STRN4: variants seen among roughly 807,000 people sequenced by gnomAD.
STRN4 encodes striatin-4.
STRN4 carries 27 observed loss-of-function variants against 77.9 expected under a neutral mutation model. That is an observed-to-expected ratio of 0.35 (90% CI 0.26 to 0.48). The LOEUF (loss-of-function observed/expected upper bound fraction) is 0.48, where lower values mean the gene tolerates loss of function less well. Among genes scored for constraint, STRN4 ranks in the 20% least tolerant of loss-of-function variants. The pLI, the probability that STRN4 is intolerant of heterozygous loss-of-function variation, is 0.99. For synonymous variants in STRN4, 466 were observed against 443.1 expected (o/e 1.05, Z -0.65); for missense variants, 798 against 1,049.7 (o/e 0.76, Z 3.31).
intron 9 of STRN4, chr19:46,726,235 G>A (rs1351351352): frequency 1.3e-5 from 2 of 153,108 alleles, no homozygotes; most frequent in Non-Finnish European, 2.9e-5. Flanking sequence ...GGAGGAATGC[G>A]CATTTCATCC....
In STRN4 at chr19:46,720,642, G is replaced by C; in HGVS notation, c.2222C>G (p.Ala741Gly). Residue 741 changes from alanine to glycine, a missense_variant, in exon 17 of 18, where the codon GCC becomes GGC. Coordinates refer to ENST00000263280, the MANE Select transcript of STRN4 (RefSeq NM_013403.3). The stretch of plus-strand genomic sequence containing the variant: ...GGCCAGGGCATCAGCGCCAGCACTG[G>C]CAATGAGGGCCTTGCTGGGGTGGCA... ...VACHPSKALI[A>G]SAGADALAKV... 1 of 1,607,724 alleles carries C rather than the reference G, an allele frequency of 6.2e-7. No individual in the cohort carries two copies. Among genetic ancestry groups the C allele is most frequent in the Non-Finnish European group, 8.5e-7 (1 of 1,176,406 alleles).
rs999275939 is a variant in STRN4, at chr19:46,728,843, C to A, written c.880-66G>T. On this transcript the variant is annotated intron_variant, in intron 6 of 17. Coordinates refer to ENST00000263280, the MANE Select transcript of STRN4 (RefSeq NM_013403.3). ...GTCCAGAGACTAAGCCACCTCCGTG[C>A]CTAGGAACAGGTAAGCCGGGGCTCT... The A allele has an allele frequency of 5.7e-6, 9 of 1,586,268 alleles. No individual in the cohort carries two copies. The African/African-American group carries it at 1.1e-4, about 19-fold the overall frequency.
At chr19:46,739,122 C>G (rs2054427178) in intron 1 of STRN4, among the ~76,000 whole-genome samples, 1 of 152,204 alleles carries the variant, frequency 6.6e-6, no homozygotes, top group South Asian at 2.1e-4. Flanking sequence ...CGAAGGGGAG[C>G]CCTTAACCCC....
chr19:46,725,265 G>A (rs577761962), intron 11 of STRN4, 67 bp downstream of exon 11: 1 of 1,608,728 alleles, frequency 6.2e-7, no homozygotes, highest in African/African-American at 1.3e-5. Context: ...CGCGATGGCA[G>A]TGAGCAGGTC....
intron 16 of STRN4, 153 bp from the exon 17 acceptor site, chr19:46,720,924 C>T: frequency 1.2e-6 from 1 of 842,770 alleles, no homozygotes; most frequent in South Asian, 2.7e-5. Context: ...CTGTGGCCCG[C>T]CCAAAGGAGA....
rs1199395556 is a variant in STRN4, at chr19:46,738,722, GCCTC to G, written c.386+59_386+62del. The G allele has an allele frequency of 2.0e-6, 3 of 1,514,308 alleles. No homozygotes were observed. The highest frequency in any genetic ancestry group is 9.2e-7 in the Non-Finnish European group (1 of 1,090,924). 93.8% of individuals were successfully genotyped at this position (1,514,308 alleles called of 1,614,324 possible). Reference sequence around the variant, plus strand: ...TAGCTGGAAGGAGGCGTGGCTGGTGGCCTCCTGACACTGTGCTTGAGACGGACCC... The same window carrying G: ...TAGCTGGAAGGAGGCGTGGCTGGTGGCTGACACTGTGCTTGAGACGGACCC... On this transcript the variant is annotated intron_variant, in intron 2 of 17. Transcript: ENST00000263280. The surrounding 1 kb of genome is among the most constrained non-coding windows in gnomAD (Gnocchi z 4.5).
rs866180607 is a variant in STRN4 at position 46,730,715 on chromosome 19, A to G, written c.879+17T>C. On this transcript the variant is annotated intron_variant, in intron 6 of 17. Transcript: ENST00000263280. ...ACACCCAGGCCAGGCTGTGCAGGGCATGGAGGAAGGGCTCACCTTCACACG... is the reference window on the plus strand; with the variant it reads ...ACACCCAGGCCAGGCTGTGCAGGGCGTGGAGGAAGGGCTCACCTTCACACG... 9 of 1,610,508 alleles carry G rather than the reference A, an allele frequency of 5.6e-6. No homozygotes were observed. The highest frequency in any genetic ancestry group is 2.0e-4 in the Middle Eastern group (1 of 4,904).
At chr19:46,731,432 A>G (rs986010328) in intron 5 of STRN4, 1 of 154,706 alleles carries the variant, frequency 6.5e-6, no homozygotes, top group African/African-American at 2.4e-5. Flanking sequence ...CCTGGCTTCC[A>G]ACTTCATGAC....
At position 46,722,770 on chromosome 19, in the gene STRN4, C is replaced by T; in HGVS notation, c.1906+40G>A. The T allele has an allele frequency of 4.3e-6, 7 of 1,609,280 alleles. No homozygotes were observed. The South Asian group carries it at 7.7e-5, about 18-fold the overall frequency. On this transcript the variant is annotated intron_variant, in intron 14 of 17. Transcript: ENST00000263280. ...CCAGGAGGAAGTGGGGCCCAGAAGA[C>T]ACTGAGACCAATTCCATGAGCTGAT...
At chr19:46,742,818 C>T (rs1038809224) in intron 1 of STRN4, among the ~76,000 whole-genome samples, 1 of 152,264 alleles carries the variant, frequency 6.6e-6, no homozygotes, top group African/African-American at 2.4e-5. Flanking sequence ...GCCTTGGCCT[C>T]TCAAAGTGCT....
In STRN4 at chr19:46,738,228, A is replaced by G. The variant is rs372214579; in HGVS notation, c.396T>C (p.Tyr132=). Residue 132 remains tyrosine, a synonymous_variant, in exon 3 of 18, where the codon TAT becomes TAC. Coordinates refer to ENST00000263280, the MANE Select transcript of STRN4 (RefSeq NM_013403.3). The surrounding 1 kb of genome is among the most constrained non-coding windows in gnomAD (Gnocchi z 4.5). ...GGTCTGTCCCAAACTTCAGTTTATG[A>G]TATTTGGCCCTAAAAGAGCAAATGA... ...EYALKQERAK[Y]HKLKFGTDLN... 1.4e-5 allele frequency: 23 copies of G among 1,614,036 alleles called. No individual in the cohort carries two copies. The highest frequency in any genetic ancestry group is 1.9e-5 in the Non-Finnish European group (22 of 1,179,996).
At position 46,723,049 on chromosome 19, in the gene STRN4, G is replaced by A; in HGVS notation, c.1765+65C>T. The A allele has an allele frequency of 6.3e-7, 1 of 1,576,262 alleles. No individual in the cohort carries two copies. The highest frequency in any genetic ancestry group is 8.6e-7 in the Non-Finnish European group (1 of 1,160,220). On this transcript the variant is annotated intron_variant, in intron 13 of 17. Coordinates refer to ENST00000263280, the MANE Select transcript of STRN4 (RefSeq NM_013403.3). The surrounding 1 kb of genome is among the most constrained non-coding windows in gnomAD (Gnocchi z 5.5). ...GGTGGGAGGCCTGGGGCCTCAGCAGGAACCACTCTGATAGCCTCCAGATCC... is the reference window on the plus strand; with the variant it reads ...GGTGGGAGGCCTGGGGCCTCAGCAGAAACCACTCTGATAGCCTCCAGATCC...
Position 46,722,082 on chromosome 19 carries a change from G to A in STRN4, c.2006-10C>T, listed in dbSNP as rs752035353. 1.2e-6 allele frequency: 2 copies of A among 1,612,386 alleles called. No homozygotes were observed. Among genetic ancestry groups the A allele is most frequent in the South Asian group, 1.1e-5 (1 of 91,082 alleles). On this transcript the variant is annotated splice_polypyrimidine_tract_variant and intron_variant, in intron 15 of 17. Coordinates refer to ENST00000263280, the MANE Select transcript of STRN4 (RefSeq NM_013403.3). ...GAGTGCACCGGCTTACCTGAGGCGA[G>A]AAGGGCGGGTGGCAGGTTCCCCTCC...
intron 1 of STRN4, 173 bp downstream of exon 1, chr19:46,745,976 G>A: frequency 6.3e-6 from 5 of 798,018 alleles, no homozygotes; most frequent in East Asian, 7.4e-5. Context: ...GTGCCCTCAG[G>A]ACACCCCTCG....
At position 46,746,335 on chromosome 19, in the gene STRN4, G is replaced by A. The variant is rs2054613954; in HGVS notation, c.96C>T (p.Ala32=). The A allele has an allele frequency of 7.7e-7, 1 of 1,291,038 alleles. No homozygotes were observed. The highest frequency in any genetic ancestry group is 9.7e-7 in the Non-Finnish European group (1 of 1,025,844). 80.0% of individuals were successfully genotyped at this position (1,291,038 alleles called of 1,614,324 possible). A position where few individuals can be genotyped will look rare whatever the true frequency, so the allele number is the denominator to read the frequency against. Residue 32 remains alanine (A), a synonymous_variant, in exon 1 of 18, where the codon GCC becomes GCT. Transcript: ENST00000263280. ...SGAGPGPTGA[A]PVSAPAPGPG... is the part of the protein sequence containing the mutation. ...GCCCGGGGGCAGGGGCGGAGACCGGGGCCGCCCCAGTGGGGCCAGGGCCCG... is the reference window on the plus strand; with the variant it reads ...GCCCGGGGGCAGGGGCGGAGACCGGAGCCGCCCCAGTGGGGCCAGGGCCCG...
At chr19:46,728,433 G>A (rs2054173740) in intron 7 of STRN4, 185 bp downstream of exon 7, 6 of 793,428 alleles carry the variant, frequency 7.6e-6, no homozygotes, top group Non-Finnish European at 9.7e-6. Flanking sequence ...GGATTTTCCA[G>A]GGAAGGGGTG....
chr19:46,725,658 G>T lies in STRN4; in HGVS notation c.1249-10C>A, dbSNP rs761983543. ...CTTTGCTGTCAGACAGCTGGGGTTG[G>T]GGGGAGCTGCCTCAGTGTCTTCGCA... On this transcript the variant is annotated splice_polypyrimidine_tract_variant and intron_variant, in intron 9 of 17. Transcript: ENST00000263280. 2 of 1,612,786 alleles carry T rather than the reference G, an allele frequency of 1.2e-6. No individual in the cohort carries two copies. Among genetic ancestry groups the T allele is most frequent in the Non-Finnish European group, 1.7e-6 (2 of 1,179,064 alleles).
At chr19:46,745,102 C>T (rs201146275) in intron 1 of STRN4, among the ~76,000 whole-genome samples, 1 of 151,696 alleles carries the variant, frequency 6.6e-6, no homozygotes, top group Non-Finnish European at 1.5e-5. Context: ...ATTCTCCCCC[C>T]TAAAGCATCA....
chr19:46,746,139 C>G lies in STRN4; in HGVS notation c.282+10G>C. On this transcript the variant is annotated intron_variant, in intron 1 of 17. Coordinates refer to ENST00000263280, the MANE Select transcript of STRN4 (RefSeq NM_013403.3). ...GGGTTGGGGGTCGGGGGTCCCGGGA[C>G]AGCGCTCACCTGTAACTCGGCGCGC... The G allele has an allele frequency of 6.6e-7, 1 of 1,504,694 alleles. No homozygotes were observed. Among genetic ancestry groups the G allele is most frequent in the Non-Finnish European group, 8.8e-7 (1 of 1,133,240 alleles). The allele number at this position is 1,504,694 out of a possible 1,614,324, so 93.2% of individuals were successfully genotyped here. A position where few individuals can be genotyped will look rare whatever the true frequency, so the allele number is the denominator to read the frequency against.
Sources: allele counts gnomAD v4.1 joint callset (sites outside exome capture counted in the v4.1 genomes callset), GRCh38; gene constraint gnomAD v4.1.1; non-coding constraint Gnocchi (gnomAD v3.1); transcripts MANE v1.5; gene names NCBI Gene and HGNC (gene_info 2026-07-23, HGNC 2026-07-21).